Variants in DOCK9 observed in about 807,000 individuals in gnomAD.
The protein encoded by DOCK9 is dedicator of cytokinesis protein 9.
DOCK9 carries 89 observed loss-of-function variants against 263.3 expected under a neutral mutation model. The observed-to-expected ratio is 0.34, with a 90% CI of 0.28 to 0.40. The LOEUF (loss-of-function observed/expected upper bound fraction) is 0.40. Ranked by LOEUF, DOCK9 falls within the 10% of genes least tolerant of loss-of-function variation. The pLI, the probability that DOCK9 is intolerant of heterozygous loss-of-function variation, is 1.00. For synonymous variants in DOCK9, 976 were observed against 973.1 expected, an observed-to-expected ratio of 1.00 and a Z score of -0.06; for missense variants, 2,140 against 2,603.4, an observed-to-expected ratio of 0.82 and a Z score of 3.87.
intron 1 of DOCK9, among the ~76,000 whole-genome samples, chr13:98,997,820 A>G (rs2141796875): frequency 6.6e-6 from 1 of 152,354 alleles, no homozygotes; most frequent in East Asian, 1.9e-4. Context: ...ATTCTGGGAG[A>G]ATAACTGAGA....
rs374276769 is a variant in DOCK9 at position 99,005,109 on chromosome 13, T to C, written c.130-49558A>G. Among the ~76,000 whole-genome samples the C allele has an allele frequency of 1.0e-3, 151 of 151,712 alleles. 2 individuals carry two copies. Among genetic ancestry groups the C allele is most frequent in the African/African-American group, 3.5e-3 (146 of 41,422 alleles). On this transcript the variant is annotated intron_variant, in intron 1 of 32. Coordinates refer to the DOCK9 transcript ENST00000427887. The stretch of plus-strand genomic sequence containing the variant: ...AGAGTAGATTCAAATCAAGGTTACT[T>C]GAGGATGCAGCTGCCACGCTGGAAT...
At chr13:99,076,844 G>A (rs1397731854) in intron 1 of DOCK9, among the ~76,000 whole-genome samples, 1 of 152,128 alleles carries the variant, frequency 6.6e-6, no homozygotes, top group Non-Finnish European at 1.5e-5. Context: ...AAGACATTAA[G>A]CAAATGTACA....
At chr13:98,972,643 A>G (rs1264473354) in intron 1 of DOCK9, among the ~76,000 whole-genome samples, 1 of 152,168 alleles carries the variant, frequency 6.6e-6, no homozygotes, top group African/African-American at 2.4e-5. Context: ...CACTGATCAC[A>G]TGAACAGTTA....
intron 2 of DOCK9, among the ~76,000 whole-genome samples, chr13:98,931,263 T>C (rs1359297101): frequency 6.6e-6 from 1 of 151,438 alleles, no homozygotes; most frequent in Non-Finnish European, 1.5e-5. Context: ...GGCTTAAGGT[T>C]TCCTTTTCTT....
At position 98,925,882 on chromosome 13, in the gene DOCK9, T is replaced by A. The variant is rs1387011930; in HGVS notation, c.371A>T (p.Asn124Ile). Residue 124 changes from asparagine (N) to isoleucine (I), a missense_variant, in exon 4 of 53, where the codon AAC becomes ATC. Transcript: ENST00000682017. Reference sequence around the variant, plus strand: ...TCCTGAGTAATCTTCATATTTATAGTTCACAAGATGCCAGTCAGAGTTATA... The same window carrying A: ...TCCTGAGTAATCTTCATATTTATAGATCACAAGATGCCAGTCAGAGTTATA... ...KTYNSDWHLV[N>I]YKYEDYSGEF... 6.3e-7 allele frequency: 1 copy of A among 1,587,334 alleles called. No homozygotes were observed. Among genetic ancestry groups the A allele is most frequent in the African/African-American group, 1.3e-5 (1 of 74,556 alleles).
intron 39 of DOCK9, among the ~76,000 whole-genome samples, chr13:98,835,046 T>C (rs1566654051): frequency 6.6e-6 from 1 of 152,204 alleles, no homozygotes; most frequent in Non-Finnish European, 1.5e-5. Context: ...GGCAGAGCTG[T>C]TGTGAAGATT....
Position 99,045,510 on chromosome 13 carries a change from TTTGGA to T in DOCK9, c.129+40708_129+40712del, listed in dbSNP as rs1888891903. Among the ~76,000 whole-genome samples, 3 of 151,554 alleles carry T rather than the reference TTTGGA, an allele frequency of 2.0e-5. No homozygotes were observed. The South Asian group carries it at 6.3e-4, about 32-fold the overall frequency. On this transcript the variant is annotated intron_variant, in intron 1 of 32. Transcript: ENST00000427887. The stretch of plus-strand genomic sequence containing the variant: ...TGGTTACCAGGGGCTGGGGGTGGGG[TTTGGA>T]GAGATGTTGGTAAAAAGATACAAAA...
upstream of DOCK9, among the ~76,000 whole-genome samples, chr13:99,087,203 G>C (rs982322556): frequency 7.9e-5 from 12 of 152,150 alleles, no homozygotes; most frequent in Non-Finnish European, 4.4e-5. Flanking sequence ...CTCGTGTGGC[G>C]CCTCGGCCTC....
rs117165203 is a variant in DOCK9 at position 98,924,339 on chromosome 13, G to A, written c.417-968C>T. The stretch of plus-strand genomic sequence containing the variant: ...CAAACAGCTAGGTCTACTGAGAACC[G>A]CATAAAAGGTTCCAGCTCAAAGATG... On this transcript the variant is annotated intron_variant, in intron 4 of 52. Transcript: ENST00000682017. Among the ~76,000 whole-genome samples the A allele has an allele frequency of 2.2e-3, 332 of 152,300 alleles. 2 individuals carry two copies. Among genetic ancestry groups the A allele is most frequent in the Non-Finnish European group, 3.3e-3 (224 of 68,014 alleles).
chr13:98,809,278 GTTTT>G, intron 47 of DOCK9, 70 bp downstream of exon 47: 2 of 1,274,366 alleles, frequency 1.6e-6, no homozygotes, highest in Non-Finnish European at 2.2e-6. Flanking sequence ...CTTTATTATA[GTTTT>G]TTTTTTGTTT....
intron 1 of DOCK9, among the ~76,000 whole-genome samples, chr13:98,967,832 A>G (rs2059358576): frequency 6.6e-6 from 1 of 152,224 alleles, no homozygotes; most frequent in African/African-American, 2.4e-5. Flanking sequence ...AAATCTTTCC[A>G]AAGAACCAGG....
chr13:99,015,530 G>T (rs1238613608), intron 1 of DOCK9: 1 of 1,598,180 alleles, frequency 6.3e-7, no homozygotes, highest in Non-Finnish European at 8.5e-7. Context: ...TCTCCTTGCT[G>T]TTTGCACATA....
chr13:98,962,650 A>G (rs1174140060), intron 1 of DOCK9, among the ~76,000 whole-genome samples: 4 of 151,890 alleles, frequency 2.6e-5, no homozygotes, highest in Non-Finnish European at 4.4e-5. Context: ...AAAAAAAAAA[A>G]AGAAAAAAAA....
intron 1 of DOCK9, among the ~76,000 whole-genome samples, chr13:99,014,593 C>T (rs924594405): frequency 3.3e-5 from 5 of 152,166 alleles, no homozygotes; most frequent in South Asian, 2.1e-4. Flanking sequence ...CCTCACCAGC[C>T]GGGAAAGGTC....
chr13:98,927,105 T>C (rs2053098162), intron 3 of DOCK9, among the ~76,000 whole-genome samples: 1 of 152,278 alleles, frequency 6.6e-6, no homozygotes, highest in South Asian at 2.1e-4. Context: ...TGTAAGTTTT[T>C]AAAATTATTC....
chr13:98,955,318 C>CAAAA, intron 2 of DOCK9, 117 bp downstream of exon 2: 1 of 653,448 alleles, frequency 1.5e-6, no homozygotes, highest in Non-Finnish European at 2.3e-6. Context: ...GACTGTGTCT[C>CAAAA]AAAAAAAATA....
At chr13:99,023,864 A>G (rs1180927566) in intron 1 of DOCK9, among the ~76,000 whole-genome samples, 2 of 152,230 alleles carry the variant, frequency 1.3e-5, no homozygotes, top group African/African-American at 4.8e-5. Flanking sequence ...ACTTCCTAGA[A>G]AAACCTTCCA....
upstream of DOCK9, among the ~76,000 whole-genome samples, chr13:99,086,790 C>G (rs1232323217): frequency 6.7e-6 from 1 of 149,454 alleles, no homozygotes; most frequent in Non-Finnish European, 1.5e-5. Context: ...CGGCCCGGCG[C>G]TGGAGCTAGG....
chr13:99,046,467 T>G (rs2040438892), intron 1 of DOCK9, among the ~76,000 whole-genome samples: 1 of 152,218 alleles, frequency 6.6e-6, no homozygotes, highest in Non-Finnish European at 1.5e-5. Flanking sequence ...GCGCCCAGTA[T>G]GCTAACCTCC....
Sources: gnomAD v4.1 joint callset for allele counts (sites outside exome capture counted in the v4.1 genomes callset) on GRCh38, gnomAD v4.1.1 for gene constraint, MANE v1.5 for transcripts, NCBI Gene and HGNC (gene_info 2026-07-23, HGNC 2026-07-21) for gene names.